The following FGFR1OP2 variants were observed in gnomAD, a reference collection of about 807,000 sequenced individuals.
The protein encoded by FGFR1OP2 is FGFR1 oncogene partner 2.
Under a neutral mutation model 35.2 loss-of-function variants are expected in FGFR1OP2, and 17 were observed. The observed-to-expected ratio is 0.48, with a 90% CI of 0.33 to 0.73. The LOEUF is 0.73. Among genes scored for constraint, FGFR1OP2 ranks in the 30% least tolerant of loss-of-function variants. The probability of loss-of-function intolerance (pLI) is 0.02; values close to 1 mark genes in which losing one functional copy is unlikely to be tolerated. For synonymous variants in FGFR1OP2, 105 were observed against 104.6 expected, an observed-to-expected ratio of 1.00 and a Z score of -0.03; for missense variants, 251 against 307.3, an observed-to-expected ratio of 0.82 and a Z score of 1.37.
At chr12:26,950,215 T>TTTG (rs1565848426) in intron 1 of FGFR1OP2, among the ~76,000 whole-genome samples, 1 of 97,204 alleles carries the variant, frequency 1.0e-5, no homozygotes, top group Non-Finnish European at 2.0e-5. Flanking sequence ...TATTCGTTGT[T>TTTG]TTTTTTTTTT....
rs763886345 is a variant in FGFR1OP2 at position 26,952,675 on chromosome 12, C to CTTT, written c.-14-1457_-14-1455dup. Among the ~76,000 whole-genome samples the CTTT allele has an allele frequency of 6.0e-3, 791 of 132,524 alleles. 8 individuals are homozygous for CTTT. The highest frequency in any genetic ancestry group is 0.021 in the African/African-American group (760 of 35,930). The allele number at this position is 132,524 out of a possible 152,430, so 86.9% of individuals were successfully genotyped here. On this transcript the variant is annotated intron_variant, in intron 1 of 6. Coordinates refer to ENST00000229395, the MANE Select transcript of FGFR1OP2 (RefSeq NM_015633.3). ...TAAATTTTCTCTTTGCTACTTGTTG[C>CTTT]TTTTTTTTTTTTTTTGTATTGGAGG...
intron 6 of FGFR1OP2, 80 bp from the exon 7 acceptor site, chr12:26,964,514 TCA>T: frequency 6.7e-7 from 1 of 1,483,020 alleles, no homozygotes; most frequent in Non-Finnish European, 9.2e-7. Flanking sequence ...CTTCATATGT[TCA>T]GTTTTTCCTA....
intron 1 of FGFR1OP2, among the ~76,000 whole-genome samples, chr12:26,950,457 A>C (rs1314531659): frequency 6.6e-6 from 1 of 151,416 alleles, no homozygotes; most frequent in African/African-American, 2.4e-5. Context: ...CGATCTCCTG[A>C]CCTCGTGATC....
At position 26,956,586 on chromosome 12, in the gene FGFR1OP2, G is replaced by A. The variant is rs1355323667; in HGVS notation, c.179G>A (p.Arg60Gln). 5.0e-6 allele frequency: 8 copies of A among 1,597,280 alleles called. No homozygotes were observed. The highest frequency in any genetic ancestry group is 2.3e-5 in the East Asian group (1 of 43,776). ...GAACTTAATGAAGTCGCGAGACATC[G>A]GCCACGGTCCACGTTAGTTATGGGA... ...IQELNEVARH[R>Q]PRSTLVMGIQ... is the part of the protein sequence containing the mutation. Residue 60 changes from arginine (R) to glutamine (Q), a missense_variant, in exon 3 of 7, where the codon CGG becomes CAG. Transcript: ENST00000229395.
At chr12:26,955,658 C>G (rs1174377603) in intron 2 of FGFR1OP2, among the ~76,000 whole-genome samples, 1 of 152,162 alleles carries the variant, frequency 6.6e-6, no homozygotes, top group Non-Finnish European at 1.5e-5. Flanking sequence ...TACTTCATTC[C>G]TGTTTATTGC....
chr12:26,944,334 G>A (rs1036458261), intron 1 of FGFR1OP2, among the ~76,000 whole-genome samples: 2 of 152,030 alleles, frequency 1.3e-5, no homozygotes, highest in Non-Finnish European at 2.9e-5. Context: ...TCCTTCCCTT[G>A]TTCCTAATTT....
At position 26,954,146 on chromosome 12, in the gene FGFR1OP2, T is replaced by C; in HGVS notation, c.-13T>C. On this transcript the variant is annotated splice_region_variant and 5_prime_UTR_variant, in exon 2 of 7. Coordinates refer to ENST00000229395, the MANE Select transcript of FGFR1OP2 (RefSeq NM_015633.3). ...TCTTGATTTTAATTTTAATTATAGA[T>C]ATATCTTTAGAAATGAGTTGCACAA... 2 of 1,569,174 alleles carry C rather than the reference T, an allele frequency of 1.3e-6. No individual in the cohort carries two copies. The highest frequency in any genetic ancestry group is 1.7e-6 in the Non-Finnish European group (2 of 1,158,376).
rs185347570 is a variant in FGFR1OP2, at chr12:26,964,985, C to T, written c.*252C>T. 3 of 332,136 alleles carry T rather than the reference C, an allele frequency of 9.0e-6. No individual in the cohort carries two copies. The Admixed American group carries it at 1.3e-4, about 15-fold the overall frequency. 20.6% of individuals were successfully genotyped at this position (332,136 alleles called of 1,614,324 possible). ...GTTTTCACAGTGACTACTGAATATA[C>T]CAAGAGCTTTTGGCAGTACTGCTGG... is the stretch of plus-strand genomic sequence containing the variant. On this transcript the variant is annotated 3_prime_UTR_variant, in exon 7 of 7. Coordinates refer to ENST00000229395, the MANE Select transcript of FGFR1OP2 (RefSeq NM_015633.3).
rs1297414134 is a variant in FGFR1OP2 at position 26,957,584 on chromosome 12, A to G, written c.254-17A>G. ...TTTAACTCAAGTTGGAATAAAATAC[A>G]ATATTATTCTTGATAGAATTACGTA... is the stretch of plus-strand genomic sequence containing the variant. On this transcript the variant is annotated splice_polypyrimidine_tract_variant and intron_variant, in intron 3 of 6. Coordinates refer to ENST00000229395, the MANE Select transcript of FGFR1OP2 (RefSeq NM_015633.3). 2 of 1,597,734 alleles carry G rather than the reference A, an allele frequency of 1.3e-6. No individual in the cohort carries two copies. The highest frequency in any genetic ancestry group is 1.8e-5 in the Admixed American group (1 of 57,128).
intron 5 of FGFR1OP2, 45 bp from the exon 6 acceptor site, chr12:26,963,297 A>G (rs1939129961): frequency 7.6e-7 from 1 of 1,321,128 alleles, no homozygotes; most frequent in Admixed American, 2.0e-5. Flanking sequence ...ATCCAAAAAT[A>G]AAAAAGTATT....
Position 26,964,577 on chromosome 12 carries a change from G to A in FGFR1OP2, c.625-19G>A. 1 of 1,606,260 alleles carries A rather than the reference G, an allele frequency of 6.2e-7. No individual in the cohort carries two copies. The highest frequency in any genetic ancestry group is 8.5e-7 in the Non-Finnish European group (1 of 1,174,430). On this transcript the variant is annotated intron_variant, in intron 6 of 6. Transcript: ENST00000229395. Reference sequence around the variant, plus strand: ...CCTTGTAGATAGTGACTGCATCTTTGTTTTTGCTTGCCTTTTAGCAAGAAA... The same window carrying A: ...CCTTGTAGATAGTGACTGCATCTTTATTTTTGCTTGCCTTTTAGCAAGAAA...
chr12:26,949,310 G>A (rs931584814), intron 1 of FGFR1OP2, among the ~76,000 whole-genome samples: 3 of 151,736 alleles, frequency 2.0e-5, no homozygotes, highest in Admixed American at 6.6e-5. Context: ...TAATTTTTTT[G>A]TATTTAGTAG....
chr12:26,964,852 G>GC lies in FGFR1OP2; in HGVS notation c.*120dup. 1 of 1,038,898 alleles carries GC rather than the reference G, an allele frequency of 9.6e-7. No homozygotes were observed. The allele number at this position is 1,038,898 out of a possible 1,614,324, so 64.4% of individuals were successfully genotyped here. On this transcript the variant is annotated 3_prime_UTR_variant, in exon 7 of 7. Coordinates refer to ENST00000229395, the MANE Select transcript of FGFR1OP2 (RefSeq NM_015633.3). ...CTCTGTAAATATGTACAGTGCACGGGCTATGAGATAGCAACAAAAAATGCA... is the reference window on the plus strand; with the variant it reads ...CTCTGTAAATATGTACAGTGCACGGGCCTATGAGATAGCAACAAAAAATGCA...
intron 1 of FGFR1OP2, chr12:26,953,551 A>G (rs973451972): frequency 6.6e-6 from 1 of 152,164 alleles, no homozygotes; most frequent in African/African-American, 2.4e-5. Context: ...ACTTTAAGGA[A>G]GATGCAAGAG....
intron 2 of FGFR1OP2, among the ~76,000 whole-genome samples, chr12:26,955,104 C>G (rs550124411): frequency 6.6e-6 from 1 of 152,250 alleles, no homozygotes; most frequent in Non-Finnish European, 1.5e-5. Context: ...ACCTGCATCC[C>G]TAACCAACTG....
intron 1 of FGFR1OP2, among the ~76,000 whole-genome samples, chr12:26,947,505 C>G (rs1440566398): frequency 6.6e-6 from 1 of 152,148 alleles, no homozygotes; most frequent in African/African-American, 2.4e-5. Context: ...CCTCACCGTT[C>G]CGAGTAGCTG....
chr12:26,958,864 T>C (rs900716485), intron 4 of FGFR1OP2, among the ~76,000 whole-genome samples: 2 of 152,194 alleles, frequency 1.3e-5, no homozygotes, highest in Non-Finnish European at 2.9e-5. Flanking sequence ...AACTAGACTG[T>C]TACCTGTATT....
rs773881017 is a variant in FGFR1OP2, at chr12:26,966,242, A to T, written c.*1509A>T. The T allele has an allele frequency of 1.3e-5, 2 of 151,622 alleles. No homozygotes were observed. The highest frequency in any genetic ancestry group is 6.6e-5 in the Admixed American group (1 of 15,250). 9.4% of individuals were successfully genotyped at this position (151,622 alleles called of 1,614,324 possible). A position where few individuals can be genotyped will look rare whatever the true frequency, so the allele number is the denominator to read the frequency against. ...TTATTTGATATTTTATAAATAAATG[A>T]CAGTTTTTATTTTTAAACTTTTTAT... is the stretch of plus-strand genomic sequence containing the variant. On this transcript the variant is annotated 3_prime_UTR_variant, in exon 7 of 7. Coordinates refer to ENST00000229395, the MANE Select transcript of FGFR1OP2 (RefSeq NM_015633.3).
At chr12:26,941,620 G>A (rs1938735657) in intron 1 of FGFR1OP2, among the ~76,000 whole-genome samples, 1 of 152,182 alleles carries the variant, frequency 6.6e-6, no homozygotes, top group South Asian at 2.1e-4. Flanking sequence ...TTTTCATAAA[G>A]TGGATATTAA....
Sources: allele counts gnomAD v4.1 joint callset (sites outside exome capture counted in the v4.1 genomes callset), GRCh38; gene constraint gnomAD v4.1.1; transcripts MANE v1.5; gene names NCBI Gene and HGNC (gene_info 2026-07-23, HGNC 2026-07-21).